The following ASPRV1 variants were observed in gnomAD, a reference collection of about 807,000 sequenced individuals.
ASPRV1 encodes aspartic peptidase retroviral like 1, also known as retroviral-like aspartic protease 1.
In ASPRV1, 7 loss-of-function variants were observed where a neutral mutation model predicts 11.0. The ratio of observed to expected loss-of-function variants is 0.64; its 90% confidence interval spans 0.36 to 1.20. The LOEUF (loss-of-function observed/expected upper bound fraction) is 1.20, where lower values mean the gene tolerates loss of function less well. ASPRV1 is among the 50% of genes most tolerant of loss of function. ASPRV1 has a pLI of 0.02. For missense variants in ASPRV1, 299 were observed against 320.0 expected (o/e 0.93, Z 0.50); for synonymous variants, 136 against 138.4 (o/e 0.98, Z 0.12).
the ASPRV1 span, among the ~76,000 whole-genome samples, chr2:70,014,283 T>C: frequency 9.2e-5 from 14 of 152,088 alleles, no homozygotes; most frequent in South Asian, 2.1e-4. Context: ...TGGCTTAACA[T>C]TGAGGATACA....
upstream of ASPRV1, chr2:69,961,740 AT>A: frequency 1.3e-6 from 2 of 1,507,152 alleles, no homozygotes; most frequent in Non-Finnish European, 1.8e-6. Flanking sequence ...TCCTGCCAGC[AT>A]CCGGCCGGAC....
At chr2:69,946,950 G>A in the ASPRV1 span, among the ~76,000 whole-genome samples, 2 of 152,360 alleles carry the variant, frequency 1.3e-5, no homozygotes, top group East Asian at 3.9e-4. Context: ...GAGAGAGACA[G>A]AGGGAAGCCC....
chr2:70,078,513 A>G, the ASPRV1 span, among the ~76,000 whole-genome samples: 1 of 152,246 alleles, frequency 6.6e-6, no homozygotes, highest in Non-Finnish European at 1.5e-5. Flanking sequence ...TGATTAAGTG[A>G]CAGTTGAGCA....
the ASPRV1 span, among the ~76,000 whole-genome samples, chr2:70,039,197 G>C: frequency 6.6e-6 from 1 of 152,046 alleles, no homozygotes; most frequent in Non-Finnish European, 1.5e-5. Context: ...TAGAATTCAA[G>C]TTGCTTACTT....
At chr2:70,059,109 G>C in the ASPRV1 span, among the ~76,000 whole-genome samples, 1 of 149,572 alleles carries the variant, frequency 6.7e-6, no homozygotes, top group African/African-American at 2.5e-5. Flanking sequence ...AGCCAGGATG[G>C]TCTCATCTCC....
At chr2:70,085,074 C>T in the ASPRV1 span, among the ~76,000 whole-genome samples, 1 of 152,188 alleles carries the variant, frequency 6.6e-6, no homozygotes, top group Non-Finnish European at 1.5e-5. Context: ...TGACCTAACA[C>T]TCTGTCATGC....
the ASPRV1 span, among the ~76,000 whole-genome samples, chr2:70,071,295 T>C: frequency 6.6e-6 from 1 of 152,238 alleles, no homozygotes; most frequent in Non-Finnish European, 1.5e-5. Flanking sequence ...GAAGTAGAAA[T>C]TGTTTCTGTG....
At chr2:70,000,854 A>G in the ASPRV1 span, among the ~76,000 whole-genome samples, 4 of 151,836 alleles carry the variant, frequency 2.6e-5, no homozygotes, top group East Asian at 7.7e-4. Flanking sequence ...AAAGCACATA[A>G]GCAGATAATT....
the ASPRV1 span, among the ~76,000 whole-genome samples, chr2:70,067,337 G>A: frequency 1.3e-4 from 20 of 152,304 alleles, no homozygotes; most frequent in African/African-American, 4.3e-4. Flanking sequence ...AGAAAAAGCA[G>A]GGGGCTGCAA....
At chr2:70,067,998 G>A in the ASPRV1 span, among the ~76,000 whole-genome samples, 4 of 152,142 alleles carry the variant, frequency 2.6e-5, no homozygotes, top group East Asian at 3.8e-4. Flanking sequence ...TGAGGTTCAC[G>A]TATTCTGGCT....
chr2:70,054,438 G>A, the ASPRV1 span, among the ~76,000 whole-genome samples: 42 of 151,926 alleles, frequency 2.8e-4, no homozygotes, highest in East Asian at 6.8e-3. Context: ...AAATTAGCCC[G>A]GCGCGGTGGC....
the ASPRV1 span, chr2:69,937,437 C>T: frequency 6.6e-7 from 1 of 1,511,378 alleles, no homozygotes; most frequent in Non-Finnish European, 8.8e-7. Flanking sequence ...TTGTGCTCCC[C>T]AACCCCAGAG....
the ASPRV1 span, among the ~76,000 whole-genome samples, chr2:70,036,618 A>G: frequency 6.6e-6 from 1 of 152,152 alleles, no homozygotes; most frequent in East Asian, 1.9e-4. Context: ...TAATAATCTA[A>G]AACACACAGG....
chr2:70,065,390 CAAAAAAAAAA>C, the ASPRV1 span, among the ~76,000 whole-genome samples: 3 of 52,726 alleles, frequency 5.7e-5, no homozygotes, highest in African/African-American at 1.3e-4. Flanking sequence ...GACACCATCT[CAAAAAAAAAA>C]AAAAAAAAAA....
the ASPRV1 span, among the ~76,000 whole-genome samples, chr2:70,078,809 G>A: frequency 1.4e-4 from 22 of 152,348 alleles, no homozygotes; most frequent in East Asian, 3.5e-3. Flanking sequence ...CAGCAAAGCA[G>A]TGACTTGATC....
the ASPRV1 span, among the ~76,000 whole-genome samples, chr2:70,043,767 A>G: frequency 6.6e-6 from 1 of 152,198 alleles, no homozygotes; most frequent in South Asian, 2.1e-4. Flanking sequence ...TTGTCTCAGT[A>G]CATCACAGTA....
chr2:69,995,667 G>A, the ASPRV1 span, among the ~76,000 whole-genome samples: 1 of 152,122 alleles, frequency 6.6e-6, no homozygotes, highest in Non-Finnish European at 1.5e-5. Flanking sequence ...GGAGGAGGTG[G>A]GGCTTGCTGT....
At chr2:69,948,780 C>T in the ASPRV1 span, among the ~76,000 whole-genome samples, 1 of 152,276 alleles carries the variant, frequency 6.6e-6, no homozygotes, top group African/African-American at 2.4e-5. Flanking sequence ...TCTGCCCACG[C>T]CCCCCGCCTC....
chr2:70,086,998 C>T, the ASPRV1 span: 18 of 152,154 alleles, frequency 1.2e-4, no homozygotes, highest in Admixed American at 1.1e-3. Flanking sequence ...GGCCTCGCCT[C>T]GCCGCCCCTC....
Sources: gnomAD v4.1 joint callset for allele counts (sites outside exome capture counted in the v4.1 genomes callset) on GRCh38, gnomAD v4.1.1 for gene constraint, MANE v1.5 for transcripts, NCBI Gene and HGNC (gene_info 2026-07-23, HGNC 2026-07-21) for gene names.